Variants in FAM241A observed in about 807,000 individuals in gnomAD.
The protein encoded by FAM241A is uncharacterized protein FAM241A.
A neutral mutation model predicts 12.2 loss-of-function variants in FAM241A; 7 were observed. The observed-to-expected ratio is 0.58, with a 90% CI of 0.33 to 1.08. The LOEUF is 1.08. Among genes scored for constraint, FAM241A ranks in the 50% least tolerant of loss-of-function variants. The pLI, the probability that FAM241A is intolerant of heterozygous loss-of-function variation, is 0.04. For missense variants in FAM241A, 161 were observed against 169.7 expected, an observed-to-expected ratio of 0.95 and a Z score of 0.29; for synonymous variants, 74 against 68.2, an observed-to-expected ratio of 1.08 and a Z score of -0.42.
Position 112,194,970 on chromosome 4 carries a change from C to T in FAM241A, c.*8032C>T, listed in dbSNP as rs1360378195. The T allele has an allele frequency of 2.0e-5, 3 of 152,212 alleles. No individual in the cohort carries two copies. The highest frequency in any genetic ancestry group is 1.3e-4 in the Admixed American group (2 of 15,270). The allele number at this position is 152,212 out of a possible 1,614,324, so 9.4% of individuals were successfully genotyped here. On this transcript the variant is annotated 3_prime_UTR_variant, in exon 2 of 2. Coordinates refer to ENST00000309733, the MANE Select transcript of FAM241A (RefSeq NM_152400.3). The stretch of plus-strand genomic sequence containing the variant: ...TGTATTTTTAGTAGAGACGGGGTTT[C>T]ACCATGTTGGCCAGGATGGTCTCAA...
chr4:112,175,968 C>T (rs72893058), intron 1 of FAM241A, among the ~76,000 whole-genome samples: 13,985 of 152,116 alleles, frequency 0.092, 787 homozygotes, highest in African/African-American at 0.15. Context: ...TATGCATTAA[C>T]ACAACAACAT....
intron 1 of FAM241A, among the ~76,000 whole-genome samples, chr4:112,164,323 A>G (rs1723548563): frequency 6.6e-6 from 1 of 151,178 alleles, no homozygotes; most frequent in Non-Finnish European, 1.5e-5. Flanking sequence ...GCTGGATATC[A>G]TCATTCTGAG....
intron 1 of FAM241A, among the ~76,000 whole-genome samples, chr4:112,170,082 C>T (rs1032175175): frequency 2.0e-5 from 3 of 152,188 alleles, no homozygotes; most frequent in African/African-American, 4.8e-5. Context: ...AGACTCACTA[C>T]AAACTAATTT....
chr4:112,157,225 G>A (rs1723372815), intron 1 of FAM241A, among the ~76,000 whole-genome samples: 2 of 152,112 alleles, frequency 1.3e-5, no homozygotes, highest in South Asian at 4.1e-4. Context: ...TGTTGAAACG[G>A]ATTTCAAAAC....
At chr4:112,184,813 G>A (rs1348772126) in intron 1 of FAM241A, among the ~76,000 whole-genome samples, 1 of 151,756 alleles carries the variant, frequency 6.6e-6, no homozygotes, top group East Asian at 1.9e-4. Context: ...AGAAAATAAG[G>A]CTTCATATAG....
intron 1 of FAM241A, among the ~76,000 whole-genome samples, chr4:112,158,947 T>C (rs980009355): frequency 1.3e-5 from 2 of 152,192 alleles, no homozygotes; most frequent in South Asian, 2.1e-4. Flanking sequence ...ACTGTATGAT[T>C]GTGCTTTATC....
intron 1 of FAM241A, among the ~76,000 whole-genome samples, chr4:112,166,357 T>C (rs1350043496): frequency 6.6e-6 from 1 of 152,064 alleles, no homozygotes; most frequent in Non-Finnish European, 1.5e-5. Context: ...TTTTTAAATG[T>C]TTTTTAAAAG....
At position 112,195,095 on chromosome 4, in the gene FAM241A, C is replaced by T. The variant is rs911025192; in HGVS notation, c.*8157C>T. On this transcript the variant is annotated 3_prime_UTR_variant, in exon 2 of 2. Coordinates refer to ENST00000309733, the MANE Select transcript of FAM241A (RefSeq NM_152400.3). ...CCTACATTTTAATTTTTACAAAAAA[C>T]TCTTAAACTTTTTTGTGAGCAGAAA... 6.6e-6 allele frequency: 1 copy of T among 152,190 alleles called. No homozygotes were observed. The allele number at this position is 152,190 out of a possible 1,614,324, so 9.4% of individuals were successfully genotyped here.
Position 112,187,377 on chromosome 4 carries a change from C to T in FAM241A, c.*439C>T, listed in dbSNP as rs11548410. 129 of 154,692 alleles carry T rather than the reference C, an allele frequency of 8.3e-4. No individual in the cohort carries two copies. The East Asian group carries it at 0.023, about 27-fold the overall frequency. The allele number at this position is 154,692 out of a possible 1,614,324, so 9.6% of individuals were successfully genotyped here. A position where few individuals can be genotyped will look rare whatever the true frequency, so the allele number is the denominator to read the frequency against. On this transcript the variant is annotated 3_prime_UTR_variant, in exon 2 of 2. Coordinates refer to ENST00000309733, the MANE Select transcript of FAM241A (RefSeq NM_152400.3). ...CTTAGAAAACTTCTCCCCACTCACACTCCCCACCAAATAATCTCATATTAT... is the reference window on the plus strand; with the variant it reads ...CTTAGAAAACTTCTCCCCACTCACATTCCCCACCAAATAATCTCATATTAT...
intron 1 of FAM241A, among the ~76,000 whole-genome samples, chr4:112,175,911 A>G (rs898540079): frequency 1.3e-5 from 2 of 152,230 alleles, no homozygotes; most frequent in Non-Finnish European, 2.9e-5. Flanking sequence ...TGGTATATAT[A>G]CTAGACAGGC....
chr4:112,175,463 G>A (rs1165634501), intron 1 of FAM241A, among the ~76,000 whole-genome samples: 4 of 151,962 alleles, frequency 2.6e-5, no homozygotes, highest in Admixed American at 6.6e-5. Context: ...TTACATTTAC[G>A]TTCCCAAGAA....
In FAM241A at chr4:112,188,310, T is replaced by C. The variant is rs370781525; in HGVS notation, c.*1372T>C. 19 of 152,282 alleles carry C rather than the reference T, an allele frequency of 1.2e-4. No homozygotes were observed. In the East Asian group the frequency reaches 3.5e-3, roughly 28 times the overall value. The allele number at this position is 152,282 out of a possible 1,614,324, so 9.4% of individuals were successfully genotyped here. ...ACATGTAGAGTGCTTGCTATCCCAC[T>C]TCATAAAGCTTTTACCCAATCTTAT... On this transcript the variant is annotated 3_prime_UTR_variant, in exon 2 of 2. Coordinates refer to ENST00000309733, the MANE Select transcript of FAM241A (RefSeq NM_152400.3).
chr4:112,171,630 C>A, intron 1 of FAM241A: 1 of 530,456 alleles, frequency 1.9e-6, no homozygotes, highest in Non-Finnish European at 3.4e-6. Context: ...GAGGCCGAGG[C>A]GGGCGAATCA....
At position 112,184,830 on chromosome 4, in the gene FAM241A, C is replaced by A. The variant is rs142388690; in HGVS notation, c.154-1863C>A. ...AAAATAAGGCTTCATATAGCCATTT[C>A]TTTAATGAAAAAAATATTTTTAATT... On this transcript the variant is annotated intron_variant, in intron 1 of 1. Coordinates refer to ENST00000309733, the MANE Select transcript of FAM241A (RefSeq NM_152400.3). Among the ~76,000 whole-genome samples, 297 of 152,088 alleles carry A rather than the reference C, an allele frequency of 2.0e-3. 1 individual carries two copies. The highest frequency in any genetic ancestry group is 6.5e-3 in the African/African-American group (270 of 41,488).
rs1172687677 is a variant in FAM241A at position 112,188,352 on chromosome 4, A to G, written c.*1414A>G. 6.6e-6 allele frequency: 1 copy of G among 152,188 alleles called. No individual in the cohort carries two copies. The highest frequency in any genetic ancestry group is 2.4e-5 in the African/African-American group (1 of 41,462). The allele number at this position is 152,188 out of a possible 1,614,324, so 9.4% of individuals were successfully genotyped here. ...CAATCTTATTTCTAAACCTCTGTGCATTCTTAGTGTCTTCTCATTCTGAAA... is the reference window on the plus strand; with the variant it reads ...CAATCTTATTTCTAAACCTCTGTGCGTTCTTAGTGTCTTCTCATTCTGAAA... On this transcript the variant is annotated 3_prime_UTR_variant, in exon 2 of 2. Transcript: ENST00000309733.
chr4:112,173,443 T>C (rs918340753), intron 1 of FAM241A, among the ~76,000 whole-genome samples: 2 of 152,218 alleles, frequency 1.3e-5, no homozygotes, highest in Admixed American at 6.5e-5. Context: ...GTTAACTTTC[T>C]TTAGGCTTAA....
chr4:112,180,300 T>C (rs1723908595), intron 1 of FAM241A, among the ~76,000 whole-genome samples: 1 of 152,070 alleles, frequency 6.6e-6, no homozygotes, highest in Non-Finnish European at 1.5e-5. Context: ...AACCTCAGCA[T>C]CATGCAGTAT....
chr4:112,159,617 T>C (rs1262399955), intron 1 of FAM241A, among the ~76,000 whole-genome samples: 1 of 151,294 alleles, frequency 6.6e-6, no homozygotes, highest in African/African-American at 2.4e-5. Context: ...GACACAAGGA[T>C]AGTTCAACAT....
chr4:112,186,598 C>T, intron 1 of FAM241A, 95 bp from the exon 2 acceptor site: 1 of 1,148,384 alleles, frequency 8.7e-7, no homozygotes, highest in African/African-American at 1.6e-5. Flanking sequence ...AGAAGTATGC[C>T]CAGCACTTTG....
Sources: allele counts gnomAD v4.1 joint callset (sites outside exome capture counted in the v4.1 genomes callset), GRCh38; gene constraint gnomAD v4.1.1; transcripts MANE v1.5; gene names NCBI Gene and HGNC (gene_info 2026-07-23, HGNC 2026-07-21).